The following RNF157 variants were observed in gnomAD, a reference collection of about 807,000 sequenced individuals.
RNF157 encodes the protein E3 ubiquitin ligase RNF157.
RNF157 carries 55 observed loss-of-function variants against 88.3 expected under a neutral mutation model. The observed-to-expected ratio is 0.62, with a 90% CI of 0.50 to 0.78. The LOEUF (loss-of-function observed/expected upper bound fraction) is 0.78, where lower values mean the gene tolerates loss of function less well. Ranked by LOEUF, RNF157 falls within the 30% of genes least tolerant of loss-of-function variation. RNF157 has a pLI of 0.00. For synonymous variants in RNF157, 334 were observed against 341.2 expected (o/e 0.98, Z 0.23); for missense variants, 788 against 860.8 (o/e 0.92, Z 1.06).
At chr17:76,177,312 C>T (rs1280540557) in intron 2 of RNF157, among the ~76,000 whole-genome samples, 4 of 150,326 alleles carry the variant, frequency 2.7e-5, no homozygotes, top group Middle Eastern at 3.2e-3. Flanking sequence ...CCTCCCACCC[C>T]CCCGCCCCAG....
rs779796224 is a variant in RNF157, at chr17:76,152,461, C to T, written c.1815G>A (p.Gln605=). ...EEDGSPTQEG[Q]RTCAFLGMEC... ...CCATACCTAGAAATGCGCACGTCCT[C>T]TGGCCTGTAACGGAGTTAATGCAGT... Residue 605 remains glutamine, a synonymous_variant, in exon 18 of 19, where the codon CAG becomes CAA. Coordinates refer to ENST00000269391, the MANE Select transcript of RNF157 (RefSeq NM_052916.3). The T allele has an allele frequency of 6.2e-7, 1 of 1,608,308 alleles. No individual in the cohort carries two copies. Among genetic ancestry groups the T allele is most frequent in the Non-Finnish European group, 8.5e-7 (1 of 1,174,668 alleles).
chr17:76,203,125 G>A (rs948084124), intron 2 of RNF157, among the ~76,000 whole-genome samples: 1 of 151,992 alleles, frequency 6.6e-6, no homozygotes, highest in African/African-American at 2.4e-5. Flanking sequence ...CAAGCGGCTG[G>A]GATTACAGGC....
At chr17:76,193,348 T>C (rs2069418030) in intron 2 of RNF157, among the ~76,000 whole-genome samples, 2 of 152,240 alleles carry the variant, frequency 1.3e-5, no homozygotes, top group East Asian at 3.8e-4. Flanking sequence ...TGTAATGCTA[T>C]TTTGAATGCT....
intron 1 of RNF157, among the ~76,000 whole-genome samples, chr17:76,217,421 T>C (rs543764509): frequency 1.1e-3 from 166 of 152,188 alleles, no homozygotes; most frequent in Non-Finnish European, 2.2e-3. Flanking sequence ...TTGCTTTCAT[T>C]TAGACAAATG....
intron 2 of RNF157, among the ~76,000 whole-genome samples, chr17:76,177,003 C>T (rs905393590): frequency 1.3e-5 from 2 of 152,130 alleles, no homozygotes; most frequent in Admixed American, 1.3e-4. Context: ...GACCACTGAG[C>T]CTGACACTCC....
intron 2 of RNF157, among the ~76,000 whole-genome samples, chr17:76,190,713 A>T (rs895561905): frequency 2.7e-5 from 4 of 150,592 alleles, no homozygotes; most frequent in East Asian, 2.0e-4. Context: ...AGGTCAGGAG[A>T]TCGAGACCAC....
Position 76,146,639 on chromosome 17 carries a change from G to A in RNF157, c.1922-1286C>T, listed in dbSNP as rs376171219. 252 of 985,460 alleles carry A rather than the reference G, an allele frequency of 2.6e-4. 4 individuals are homozygous for A. In the South Asian group the frequency reaches 0.011, roughly 41 times the overall value. The allele number at this position is 985,460 out of a possible 1,614,324, so 61.0% of individuals were successfully genotyped here. ...CGGGGGAGGCCCAGTGTGCTCCTAA[G>A]TGCTCCCTGCAGCCTGAACTACTGC... On this transcript the variant is annotated intron_variant, in intron 18 of 18. Coordinates refer to ENST00000269391, the MANE Select transcript of RNF157 (RefSeq NM_052916.3). The surrounding 1 kb of genome is among the most constrained non-coding windows in gnomAD (Gnocchi z 4.2).
Position 76,176,479 on chromosome 17 carries a change from T to C in RNF157, c.208-2689A>G, listed in dbSNP as rs2069104512. The stretch of plus-strand genomic sequence containing the variant: ...CATTCTTCTGTAAATCGATTTTGCC[T>C]ACTATTACTCTCGAAATTTCTTAGT... On this transcript the variant is annotated intron_variant, in intron 2 of 18. Transcript: ENST00000269391. This position sits in a 1 kb window ranked among gnomAD's most constrained non-coding sequence, Gnocchi z 4.2. Among the ~76,000 whole-genome samples, 1 of 152,224 alleles carries C rather than the reference T, an allele frequency of 6.6e-6. No individual in the cohort carries two copies. Among genetic ancestry groups the C allele is most frequent in the Non-Finnish European group, 1.5e-5 (1 of 68,026 alleles).
At chr17:76,220,228 A>G (rs2069957448) in intron 1 of RNF157, among the ~76,000 whole-genome samples, 1 of 152,048 alleles carries the variant, frequency 6.6e-6, no homozygotes, top group African/African-American at 2.4e-5. Context: ...GTCATACCAG[A>G]TAACAAGGAC....
At chr17:76,181,478 C>A (rs2069186740) in intron 2 of RNF157, among the ~76,000 whole-genome samples, 1 of 152,130 alleles carries the variant, frequency 6.6e-6, no homozygotes, top group Non-Finnish European at 1.5e-5. Context: ...ACACTGAGGG[C>A]AGGGTGATGT....
Position 76,161,512 on chromosome 17 carries a change from C to T in RNF157, c.1065+23G>A, listed in dbSNP as rs2068843731. The T allele has an allele frequency of 6.4e-7, 1 of 1,560,898 alleles. No individual in the cohort carries two copies. Among genetic ancestry groups the T allele is most frequent in the Non-Finnish European group, 8.8e-7 (1 of 1,131,636 alleles). ...CAATGAGGCATTTGCTTCAGAGGGG[C>T]CGTGGTTCCGAGCCCAACTTACTGG... On this transcript the variant is annotated intron_variant, in intron 11 of 18. Coordinates refer to ENST00000269391, the MANE Select transcript of RNF157 (RefSeq NM_052916.3). The surrounding 1 kb of genome is among the most constrained non-coding windows in gnomAD (Gnocchi z 4.6).
intron 3 of RNF157, 127 bp downstream of exon 3, chr17:76,173,575 G>A: frequency 1.5e-6 from 1 of 684,192 alleles, no homozygotes; most frequent in Non-Finnish European, 2.6e-6. Flanking sequence ...CCTGTCTGAG[G>A]CCCAGAGAAG....
At chr17:76,179,315 G>T (rs2069153395) in intron 2 of RNF157, among the ~76,000 whole-genome samples, 1 of 151,942 alleles carries the variant, frequency 6.6e-6, no homozygotes, top group African/African-American at 2.4e-5. Flanking sequence ...GATCACTTGA[G>T]CCCAGGAGAT....
At chr17:76,207,270 A>T (rs2069697128) in intron 2 of RNF157, among the ~76,000 whole-genome samples, 1 of 152,184 alleles carries the variant, frequency 6.6e-6, no homozygotes, top group Non-Finnish European at 1.5e-5. Context: ...AAAAATTTTA[A>T]AAATTAGCCC....
chr17:76,225,892 A>C, intron 1 of RNF157: 2 of 1,613,474 alleles, frequency 1.2e-6, no homozygotes, highest in South Asian at 1.1e-5. Context: ...CGCCAGTGAG[A>C]GCCTCCTGCT....
intron 2 of RNF157, among the ~76,000 whole-genome samples, chr17:76,196,811 C>G (rs1486471232): frequency 6.6e-6 from 1 of 152,144 alleles, no homozygotes; most frequent in Non-Finnish European, 1.5e-5. Flanking sequence ...CAGCCAGTGA[C>G]TGATTGACAG....
intron 18 of RNF157, chr17:76,147,615 A>T (rs1329260213): frequency 1.3e-5 from 2 of 152,354 alleles, no homozygotes; most frequent in African/African-American, 4.8e-5. Flanking sequence ...CTCTGTGGTG[A>T]GGGAGATCCG....
intron 2 of RNF157, among the ~76,000 whole-genome samples, chr17:76,210,598 A>AAAAAAAAG (rs2069777614): frequency 6.7e-6 from 1 of 150,086 alleles, no homozygotes; most frequent in Non-Finnish European, 1.5e-5. Flanking sequence ...CAAAAAAAAA[A>AAAAAAAAG]AAAAAAGAAA....
chr17:76,225,830 G>A (rs2070072847), intron 1 of RNF157: 4 of 1,607,418 alleles, frequency 2.5e-6, no homozygotes, highest in Non-Finnish European at 3.4e-6. Flanking sequence ...CTTGGCCAGG[G>A]AATCTGCCCT....
Sources: allele counts gnomAD v4.1 joint callset (sites outside exome capture counted in the v4.1 genomes callset), GRCh38; gene constraint gnomAD v4.1.1; non-coding constraint Gnocchi (gnomAD v3.1); transcripts MANE v1.5; gene names NCBI Gene and HGNC (gene_info 2026-07-23, HGNC 2026-07-21).